KIF25: variants seen among roughly 807,000 people sequenced by gnomAD.
KIF25 encodes kinesin-like protein KIF25.
In KIF25, 19 loss-of-function variants were observed where a neutral mutation model predicts 32.9. The ratio of observed to expected loss-of-function variants is 0.58; its 90% confidence interval spans 0.40 to 0.85. KIF25 has a LOEUF of 0.85. KIF25 is among the 40% of genes least tolerant of loss of function. KIF25 has a pLI of 0.00. For missense variants in KIF25, 485 were observed against 507.0 expected (o/e 0.96, Z 0.42); for synonymous variants, 225 against 213.7 (o/e 1.05, Z -0.46).
intron 4 of KIF25, among the ~76,000 whole-genome samples, chr6:168,006,263 G>A (rs1309246256): frequency 6.7e-6 from 1 of 149,800 alleles, no homozygotes; most frequent in Non-Finnish European, 1.5e-5. Flanking sequence ...GGCTAGTCTT[G>A]AACTCCTGGC....
Position 167,998,148 on chromosome 6 carries a change from CA to C in KIF25, c.-1320del, listed in dbSNP as rs888016314. 3.3e-5 allele frequency: 5 copies of C among 151,242 alleles called. No individual in the cohort carries two copies. The highest frequency in any genetic ancestry group is 1.5e-5 in the Non-Finnish European group (1 of 67,904). The allele number at this position is 151,242 out of a possible 1,614,324, so 9.4% of individuals were successfully genotyped here. A position where few individuals can be genotyped will look rare whatever the true frequency, so the allele number is the denominator to read the frequency against. On this transcript the variant is annotated 5_prime_UTR_variant, in exon 1 of 13. Coordinates refer to ENST00000643607, the MANE Select transcript of KIF25 (RefSeq NM_030615.4). ...AAGCACCTGGCACTTCAGAAAGTCT[CA>C]CTACGCTGCAGCTTTTTTTTTTTTT...
At chr6:168,035,438 C>CG (rs1562390520) in intron 8 of KIF25, among the ~76,000 whole-genome samples, 1,103 of 6,796 alleles carry the variant, frequency 0.16, 2 homozygotes, top group East Asian at 0.22. Context: ...AACGGCGCGG[C>CG]GGAGGAGGCG....
At chr6:167,999,005 T>C (rs750160303) in intron 1 of KIF25, 87 bp from the exon 2 acceptor site, 7 of 152,176 alleles carry the variant, frequency 4.6e-5, no homozygotes, top group Non-Finnish European at 1.0e-4. Context: ...TGAGCTGAGA[T>C]TGCATCACTG....
At chr6:168,036,280 G>C (rs1055906573) in intron 8 of KIF25, 2 of 152,866 alleles carry the variant, frequency 1.3e-5, no homozygotes, top group Non-Finnish European at 2.9e-5. Flanking sequence ...CACACTGTCA[G>C]AGGCACAAGG....
At chr6:168,011,475 T>C (rs1798646239) in intron 4 of KIF25, among the ~76,000 whole-genome samples, 1 of 152,230 alleles carries the variant, frequency 6.6e-6, no homozygotes, top group East Asian at 1.9e-4. Context: ...TATAATATTA[T>C]TGGCTGAATT....
chr6:168,007,898 T>C (rs988412831), intron 4 of KIF25, among the ~76,000 whole-genome samples: 6 of 152,202 alleles, frequency 3.9e-5, no homozygotes, highest in Non-Finnish European at 5.9e-5. Flanking sequence ...AAGCATCTAT[T>C]GGTCTCTCAG....
intron 5 of KIF25, among the ~76,000 whole-genome samples, chr6:168,025,412 G>A (rs902506057): frequency 1.2e-4 from 18 of 152,270 alleles, no homozygotes; most frequent in Admixed American, 1.0e-3. Context: ...CGAGCCCCGC[G>A]GGGCTGGGGA....
chr6:168,038,411 C>T (rs1006217580), intron 8 of KIF25, 142 bp from the exon 9 acceptor site: 16 of 725,952 alleles, frequency 2.2e-5, no homozygotes, highest in Middle Eastern at 2.9e-4. Context: ...GAGTGATCTT[C>T]GGGTATGTAA....
chr6:168,039,731 T>G (rs1212759366), intron 9 of KIF25, among the ~76,000 whole-genome samples: 1 of 152,200 alleles, frequency 6.6e-6, no homozygotes, highest in Non-Finnish European at 1.5e-5. Context: ...ATTTTACAAA[T>G]CAGATTTGAT....
chr6:168,009,515 T>A (rs1268235049), intron 4 of KIF25, among the ~76,000 whole-genome samples: 1 of 152,198 alleles, frequency 6.6e-6, no homozygotes, highest in African/African-American at 2.4e-5. Context: ...TCATCAGGAA[T>A]GTTGGCCTAT....
At chr6:168,002,739 CTATTAT>C (rs1798525839) in intron 3 of KIF25, 80 bp downstream of exon 3, 1 of 152,148 alleles carries the variant, frequency 6.6e-6, no homozygotes, top group Admixed American at 6.5e-5. Context: ...CACTTTATTT[CTATTAT>C]TATTACACTG....
At chr6:168,001,741 CT>C (rs1397786602) in intron 2 of KIF25, among the ~76,000 whole-genome samples, 1 of 85,056 alleles carries the variant, frequency 1.2e-5, no homozygotes, top group African/African-American at 5.4e-5. Flanking sequence ...GAGAAGACAC[CT>C]TCAGGCGTAG....
At chr6:168,034,552 C>T (rs1275586302) in intron 8 of KIF25, among the ~76,000 whole-genome samples, 1 of 152,156 alleles carries the variant, frequency 6.6e-6, no homozygotes, top group Non-Finnish European at 1.5e-5. Flanking sequence ...AGTCTCCCTG[C>T]CTGGCTAAGA....
intron 7 of KIF25, 71 bp downstream of exon 7, chr6:168,030,918 GGAGT>G: frequency 8.1e-7 from 1 of 1,241,936 alleles, no homozygotes; most frequent in Non-Finnish European, 1.2e-6. Flanking sequence ...ACTGTGCTGT[GGAGT>G]GAGAATGTAG....
At chr6:168,036,147 ATTCCTTG>A in intron 8 of KIF25, 2 of 184,910 alleles carry the variant, frequency 1.1e-5, no homozygotes, top group Non-Finnish European at 1.2e-5. Flanking sequence ...TACTGCCTGG[ATTCCTTG>A]GCTCTGCACG....
chr6:168,016,817 A>G (rs1287321649), intron 4 of KIF25, among the ~76,000 whole-genome samples: 1 of 152,238 alleles, frequency 6.6e-6, no homozygotes, highest in African/African-American at 2.4e-5. Flanking sequence ...ATTACACTGG[A>G]CAATAGCAGT....
chr6:168,033,686 T>C (rs568575190), intron 7 of KIF25, among the ~76,000 whole-genome samples, 196 bp from the exon 8 acceptor site: 68 of 152,206 alleles, frequency 4.5e-4, no homozygotes, highest in African/African-American at 1.6e-3. Flanking sequence ...TCCAATGTCG[T>C]ACAACAAGAT....
At chr6:168,007,226 C>T (rs961721622) in intron 4 of KIF25, among the ~76,000 whole-genome samples, 1 of 152,124 alleles carries the variant, frequency 6.6e-6, no homozygotes, top group Non-Finnish European at 1.5e-5. Flanking sequence ...GCCTGGCCAA[C>T]ATGGTGAAAC....
chr6:168,025,804 G>A (rs1798852060), intron 5 of KIF25, among the ~76,000 whole-genome samples: 1 of 152,222 alleles, frequency 6.6e-6, no homozygotes, highest in Non-Finnish European at 1.5e-5. Flanking sequence ...TTTAAAGTAT[G>A]ATCCTTTCCC....
Sources: allele counts gnomAD v4.1 joint callset (sites outside exome capture counted in the v4.1 genomes callset), GRCh38; gene constraint gnomAD v4.1.1; transcripts MANE v1.5; gene names NCBI Gene and HGNC (gene_info 2026-07-23, HGNC 2026-07-21).